The following RASSF3 variants were observed in gnomAD, a reference collection of about 807,000 sequenced individuals.
The protein encoded by RASSF3 is Ras association domain family member 3, also known as ras association domain-containing protein 3.
Under a neutral mutation model 19.9 loss-of-function variants are expected in RASSF3, and 19 were observed. The observed-to-expected ratio is 0.96, with a 90% CI of 0.67 to 1.40. The LOEUF is 1.40. Among genes scored for constraint, RASSF3 ranks in the 40% most tolerant of loss-of-function variants. The pLI, the probability that RASSF3 is intolerant of heterozygous loss-of-function variation, is 0.00. For missense variants in RASSF3, 306 were observed against 289.8 expected, an observed-to-expected ratio of 1.06 and a Z score of -0.41; for synonymous variants, 110 against 104.2, an observed-to-expected ratio of 1.06 and a Z score of -0.34.
At position 64,637,341 on chromosome 12, in the gene RASSF3, G is replaced by C. The variant is rs143415306; in HGVS notation, c.111+26598G>C. On this transcript the variant is annotated intron_variant, in intron 1 of 4. Transcript: ENST00000542104. The stretch of plus-strand genomic sequence containing the variant: ...CATTGGTGTGTGTTTGAAAAGTTTA[G>C]ATTGTCTCAAAAGCATAATGAGTTT... 3.9e-5 allele frequency among the ~76,000 whole-genome samples: 6 copies of C among 152,022 alleles called. No individual in the cohort carries two copies. In the East Asian group the frequency reaches 1.2e-3, roughly 29 times the overall value.
intron 1 of RASSF3, among the ~76,000 whole-genome samples, chr12:64,618,836 C>T (rs375469337): frequency 6.6e-6 from 1 of 151,830 alleles, no homozygotes; most frequent in Non-Finnish European, 1.5e-5. Context: ...TTTAAGCAAT[C>T]GAAACGTGGC....
chr12:64,671,062 T>C, intron 1 of RASSF3, among the ~76,000 whole-genome samples: 1 of 151,968 alleles, frequency 6.6e-6, no homozygotes, highest in East Asian at 1.9e-4. Context: ...CTGGAATGGG[T>C]GATGATACAG....
intron 1 of RASSF3, among the ~76,000 whole-genome samples, chr12:64,636,686 C>T (rs564487279): frequency 4.0e-5 from 6 of 151,640 alleles, no homozygotes; most frequent in East Asian, 3.9e-4. Context: ...GCCAACATGG[C>T]GAAACCCCTG....
intron 1 of RASSF3, among the ~76,000 whole-genome samples, chr12:64,643,447 C>T (rs539533479): frequency 1.3e-5 from 2 of 151,928 alleles, no homozygotes; most frequent in African/African-American, 2.4e-5. Flanking sequence ...GCAGAACGAC[C>T]GCTTGAGCCG....
At chr12:64,547,760 T>G (rs1869093255) in intron 2 of RASSF3, among the ~76,000 whole-genome samples, 1 of 152,232 alleles carries the variant, frequency 6.6e-6, no homozygotes, top group African/African-American at 2.4e-5. Context: ...TCAAATCAAA[T>G]TCTTCCCCCC....
At chr12:64,636,821 C>T (rs1329615449) in intron 1 of RASSF3, among the ~76,000 whole-genome samples, 4 of 149,222 alleles carry the variant, frequency 2.7e-5, no homozygotes, top group African/African-American at 9.9e-5. Flanking sequence ...AGCGAAATCG[C>T]GCCATTGCAC....
At chr12:64,582,645 G>A (rs1356208181) in intron 2 of RASSF3, among the ~76,000 whole-genome samples, 1 of 152,286 alleles carries the variant, frequency 6.6e-6, no homozygotes, top group South Asian at 2.1e-4. Flanking sequence ...GAAAGAAGTT[G>A]TGGAGTTAGA....
chr12:64,641,046 ATATACT>A (rs147129038), intron 1 of RASSF3, among the ~76,000 whole-genome samples: 2,609 of 152,180 alleles, frequency 0.017, 72 homozygotes, highest in African/African-American at 0.06. Context: ...ATTAAATAAG[ATATACT>A]TATTTAACGT....
intron 2 of RASSF3, among the ~76,000 whole-genome samples, chr12:64,687,181 T>C (rs1182226446): frequency 6.6e-6 from 1 of 152,022 alleles, no homozygotes; most frequent in Non-Finnish European, 1.5e-5. Context: ...TTTTTATTTT[T>C]AGTAGAGACG....
At chr12:64,514,483 C>T (rs1346093910) in intron 1 of RASSF3, among the ~76,000 whole-genome samples, 1 of 152,050 alleles carries the variant, frequency 6.6e-6, no homozygotes. Flanking sequence ...CCGTGCCCGG[C>T]CAGAATTTAG....
chr12:64,688,526 G>A (rs1157109524), intron 3 of RASSF3, 73 bp downstream of exon 3: 1 of 1,076,732 alleles, frequency 9.3e-7, no homozygotes, highest in African/African-American at 1.5e-5. Flanking sequence ...GCAGAGGGAA[G>A]ACTGGTGGGT....
chr12:64,572,351 T>A (rs1439832435), intron 2 of RASSF3, among the ~76,000 whole-genome samples: 1 of 151,786 alleles, frequency 6.6e-6, no homozygotes, highest in African/African-American at 2.4e-5. Flanking sequence ...GCATGCTCTG[T>A]CTCCCTCTTT....
rs1033671250 is a variant in RASSF3 at position 64,691,337 on chromosome 12, A to T, written c.458-133A>T. The T allele has an allele frequency of 1.7e-5, 11 of 653,108 alleles. No homozygotes were observed. In the African/African-American group the frequency reaches 1.8e-4, roughly 11 times the overall value. 40.5% of individuals were successfully genotyped at this position (653,108 alleles called of 1,614,324 possible). On this transcript the variant is annotated intron_variant, in intron 3 of 4. Transcript: ENST00000542104. ...TGGGCTACTGGTATTAAATAATAAG[A>T]TGAGCCGACTGGCGACTTAGAGGCT... is the stretch of plus-strand genomic sequence containing the variant.
At chr12:64,615,924 C>G (rs912073529) in intron 1 of RASSF3, among the ~76,000 whole-genome samples, 1 of 152,154 alleles carries the variant, frequency 6.6e-6, no homozygotes, top group Non-Finnish European at 1.5e-5. Flanking sequence ...ATCCACCCAC[C>G]TCGGCCTCCC....
At chr12:64,655,303 C>A (rs906251917) in intron 1 of RASSF3, among the ~76,000 whole-genome samples, 1 of 152,158 alleles carries the variant, frequency 6.6e-6, no homozygotes, top group Non-Finnish European at 1.5e-5. Context: ...TTCAAAAATA[C>A]ACATAACGAA....
Position 64,580,931 on chromosome 12 carries a change from C to T in RASSF3, c.294+39226C>T, listed in dbSNP as rs377022080. ...TATTTCCAAATAAGTCACAACCACACGTACCAGGGGTTAAGACTTCATATC... is the reference window on the plus strand; with the variant it reads ...TATTTCCAAATAAGTCACAACCACATGTACCAGGGGTTAAGACTTCATATC... On this transcript the variant is annotated intron_variant, in intron 2 of 5. Coordinates refer to the RASSF3 transcript ENST00000637125. Among the ~76,000 whole-genome samples the T allele has an allele frequency of 1.4e-4, 22 of 151,938 alleles. No homozygotes were observed. The East Asian group carries it at 1.9e-3, about 13-fold the overall frequency.
chr12:64,672,516 G>T (rs1482375573), intron 1 of RASSF3, among the ~76,000 whole-genome samples: 1 of 151,860 alleles, frequency 6.6e-6, no homozygotes, highest in Non-Finnish European at 1.5e-5. Context: ...GTGAGCTATC[G>T]CACCCAGCCT....
intron 1 of RASSF3, among the ~76,000 whole-genome samples, chr12:64,523,032 G>A (rs942234534): frequency 5.3e-5 from 8 of 152,180 alleles, no homozygotes; most frequent in African/African-American, 9.7e-5. Context: ...TCATGCCAGC[G>A]CAAAAGAAGA....
At chr12:64,674,520 G>T (rs566622234) in intron 1 of RASSF3, among the ~76,000 whole-genome samples, 2 of 152,312 alleles carry the variant, frequency 1.3e-5, no homozygotes, top group East Asian at 3.9e-4. Flanking sequence ...GGCGGAGGTT[G>T]CAGTGAGCCG....
Sources: allele counts gnomAD v4.1 joint callset (sites outside exome capture counted in the v4.1 genomes callset), GRCh38; gene constraint gnomAD v4.1.1; transcripts MANE v1.5; gene names NCBI Gene and HGNC (gene_info 2026-07-23, HGNC 2026-07-21).